MAML2: variants seen among roughly 807,000 people sequenced by gnomAD.
MAML2 encodes the protein mastermind-like protein 2.
A neutral mutation model predicts 96.1 loss-of-function variants in MAML2; 22 were observed. That is an observed-to-expected ratio of 0.23 (90% CI 0.16 to 0.33). The LOEUF (loss-of-function observed/expected upper bound fraction) is 0.33, where lower values mean the gene tolerates loss of function less well. Ranked by LOEUF, MAML2 falls within the 10% of genes least tolerant of loss-of-function variation. The pLI is 1.00. For synonymous variants in MAML2, 561 were observed against 521.3 expected (o/e 1.08, Z -1.04); for missense variants, 1,367 against 1,392.4 (o/e 0.98, Z 0.29).
In MAML2 at chr11:96,093,488, T is replaced by C. The variant is rs1362535088; in HGVS notation, c.543A>G (p.Val181=). ...ALQGSLKRKQ[V]VNLSPANSKR... ...TGCTGTTGGCAGGAGATAGGTTAAC[T>C]ACCTGTTTTCTTTTCAAGGAACCCT... Residue 181 remains valine (V), a synonymous_variant, in exon 2 of 5, where the codon GTA becomes GTG. Coordinates refer to ENST00000524717, the MANE Select transcript of MAML2 (RefSeq NM_032427.4). 2 of 1,609,424 alleles carry C rather than the reference T, an allele frequency of 1.2e-6. No homozygotes were observed. Among genetic ancestry groups the C allele is most frequent in the Admixed American group, 1.7e-5 (1 of 59,174 alleles).
intron 1 of MAML2, among the ~76,000 whole-genome samples, chr11:96,332,583 C>G (rs1251889721): frequency 6.6e-6 from 1 of 152,194 alleles, no homozygotes; most frequent in African/African-American, 2.4e-5. Context: ...TTCCTGTTTA[C>G]TCTCATCTCT....
At chr11:96,058,236 C>G (rs748266707) in intron 2 of MAML2, among the ~76,000 whole-genome samples, 6 of 152,226 alleles carry the variant, frequency 3.9e-5, no homozygotes, top group Non-Finnish European at 7.3e-5. Context: ...CTGATTGGAG[C>G]CTTTCATCTT....
intron 1 of MAML2, among the ~76,000 whole-genome samples, chr11:96,229,908 A>G (rs1862267684): frequency 6.6e-6 from 1 of 152,168 alleles, no homozygotes; most frequent in African/African-American, 2.4e-5. Context: ...AATTTGCAGT[A>G]TTTTGGTATC....
At chr11:96,087,140 T>C (rs1266448686) in intron 2 of MAML2, among the ~76,000 whole-genome samples, 1 of 152,214 alleles carries the variant, frequency 6.6e-6, no homozygotes, top group East Asian at 1.9e-4. Context: ...TAGCTACCAT[T>C]TGAGTTATTC....
intron 2 of MAML2, among the ~76,000 whole-genome samples, chr11:96,052,108 A>C (rs537535924): frequency 1.1e-4 from 17 of 152,346 alleles, no homozygotes; most frequent in African/African-American, 3.6e-4. Context: ...AAACTATCAG[A>C]AAGTCAGACC....
rs78042302 is a variant in MAML2, at chr11:95,991,555, G to C, written c.2308C>G (p.Gln770Glu). 4.3e-6 allele frequency: 7 copies of C among 1,613,750 alleles called. No homozygotes were observed. Among genetic ancestry groups the C allele is most frequent in the African/African-American group, 1.3e-5 (1 of 75,032 alleles). The change falls in exon 3 of 5, where the codon CAA becomes GAA. Residue 770 changes from glutamine (Q) to glutamate (E), a missense_variant. Gln to Glu is a conservative substitution (Grantham distance 29). Coordinates refer to ENST00000524717, the MANE Select transcript of MAML2 (RefSeq NM_032427.4). ...LQRQIMEQKQ[Q>E]LLLQQQMLAD... The stretch of plus-strand genomic sequence containing the variant: ...AGCATCTGCTGCTGGAGAAGAAGTT[G>C]CTGTTTCTGCTCCATGATCTGCCTC...
chr11:96,141,570 T>C (rs1860730611), intron 1 of MAML2, among the ~76,000 whole-genome samples: 1 of 152,116 alleles, frequency 6.6e-6, no homozygotes, highest in Non-Finnish European at 1.5e-5. Flanking sequence ...AAACTCATCC[T>C]CAGGGATGAG....
intron 1 of MAML2, among the ~76,000 whole-genome samples, chr11:96,109,958 TG>T (rs777920592): frequency 6.6e-6 from 1 of 152,072 alleles, no homozygotes; most frequent in Non-Finnish European, 1.5e-5. Flanking sequence ...AATGAAACTC[TG>T]GGGAACATCA....
chr11:96,170,543 T>G (rs189536742), intron 1 of MAML2, among the ~76,000 whole-genome samples: 60 of 152,302 alleles, frequency 3.9e-4, no homozygotes, highest in African/African-American at 1.4e-3. Context: ...CACTACATTT[T>G]GACAGGAAGC....
intron 1 of MAML2, among the ~76,000 whole-genome samples, chr11:96,329,965 T>C (rs1863832247): frequency 6.6e-6 from 1 of 152,228 alleles, no homozygotes; most frequent in Admixed American, 6.5e-5. Context: ...TGCCCATATA[T>C]ATTTGCTATG....
rs534190333 is a variant in MAML2, at chr11:96,250,231, A to T, written c.513+91152T>A. 5.1e-4 allele frequency among the ~76,000 whole-genome samples: 77 copies of T among 151,822 alleles called. No homozygotes were observed. The Middle Eastern group carries it at 0.01, about 20-fold the overall frequency. On this transcript the variant is annotated intron_variant, in intron 1 of 4. Coordinates refer to ENST00000524717, the MANE Select transcript of MAML2 (RefSeq NM_032427.4). ...ATTATCTGCTTTTCTTTTTTATTTA[A>T]AAAAATGTTTAAAATTTAAAAATTT...
chr11:96,245,728 A>C (rs1862502314), intron 1 of MAML2, among the ~76,000 whole-genome samples: 1 of 144,542 alleles, frequency 6.9e-6, no homozygotes, highest in Non-Finnish European at 1.5e-5. Context: ...TTTTTTAGAC[A>C]GAGTCTCACT....
chr11:96,301,398 T>C (rs1004938925), intron 1 of MAML2, among the ~76,000 whole-genome samples: 2 of 152,196 alleles, frequency 1.3e-5, no homozygotes, highest in African/African-American at 4.8e-5. Flanking sequence ...CCTAAGTACC[T>C]GGCTTGCCTC....
intron 2 of MAML2, among the ~76,000 whole-genome samples, chr11:96,002,674 AATG>A (rs1858101477): frequency 1.0e-5 from 1 of 100,046 alleles, no homozygotes; most frequent in African/African-American, 4.0e-5. Context: ...GATGAAGAAT[AATG>A]ATGGGGATGG....
intron 1 of MAML2, among the ~76,000 whole-genome samples, chr11:96,274,648 T>A (rs1487776449): frequency 6.6e-6 from 1 of 152,198 alleles, no homozygotes; most frequent in Non-Finnish European, 1.5e-5. Context: ...AAACTATTAC[T>A]AATGAAAAGG....
At chr11:96,123,303 C>CT (rs112366508) in intron 1 of MAML2, among the ~76,000 whole-genome samples, 14,820 of 147,406 alleles carry the variant, frequency 0.1, 841 homozygotes, top group Middle Eastern at 0.2. Flanking sequence ...CATTTACAGT[C>CT]TTTTTTTTTT....
chr11:96,173,547 A>G (rs143016138), intron 1 of MAML2, among the ~76,000 whole-genome samples: 3 of 152,302 alleles, frequency 2.0e-5, no homozygotes, highest in Non-Finnish European at 2.9e-5. Flanking sequence ...ACTGAGCTTT[A>G]TGGGTCATCC....
In MAML2 at chr11:96,066,732, G is replaced by A. The variant is rs561807808; in HGVS notation, c.2139+25160C>T. On this transcript the variant is annotated intron_variant, in intron 2 of 4. Transcript: ENST00000524717. ...TATGACAGTGAACAAAACTAGGAAG[G>A]CTGCAGCTTTCATGGTGCTTAACTT... Among the ~76,000 whole-genome samples, 9 of 152,272 alleles carry A rather than the reference G, an allele frequency of 5.9e-5. No individual in the cohort carries two copies. The South Asian group carries it at 1.9e-3, about 32-fold the overall frequency.
At chr11:96,222,885 ATT>A (rs1862159966) in intron 1 of MAML2, among the ~76,000 whole-genome samples, 1 of 152,042 alleles carries the variant, frequency 6.6e-6, no homozygotes, top group South Asian at 2.1e-4. Context: ...AAAAAATATA[ATT>A]TGTTTCATTT....
Sources: gnomAD v4.1 joint callset for allele counts (sites outside exome capture counted in the v4.1 genomes callset) on GRCh38, gnomAD v4.1.1 for gene constraint, MANE v1.5 for transcripts, NCBI Gene and HGNC (gene_info 2026-07-23, HGNC 2026-07-21) for gene names.